Variants in HASPIN observed in about 807,000 individuals in gnomAD.
HASPIN encodes the protein serine/threonine-protein kinase haspin.
In HASPIN, 24 loss-of-function variants were observed where a neutral mutation model predicts 28.8. The ratio of observed to expected loss-of-function variants is 0.83; its 90% CI spans 0.60 to 1.17. The LOEUF is 1.17. Among genes scored for constraint, HASPIN ranks in the 50% most tolerant of loss-of-function variants. The pLI, the probability that HASPIN is intolerant of heterozygous loss-of-function variation, is 0.00. For synonymous variants in HASPIN, 440 were observed against 413.1 expected (o/e 1.07, Z -0.79); for missense variants, 1,016 against 1,018.5 (o/e 1.00, Z 0.03).
Position 3,724,064 on chromosome 17 carries a change from C to G in HASPIN, c.129C>G (p.Phe43Leu), listed in dbSNP as rs775319727. The change falls in exon 1 of 1, where the codon TTC becomes TTG. Residue 43 changes from phenylalanine (F) to leucine (L), a missense_variant. Physicochemically the swap from Phe to Leu is conservative, Grantham distance 22 (BLOSUM62 0). Transcript: ENST00000325418. Reference protein sequence around the residue: ...QWFPPQDRRRFFNSSGSSDAS... With the variant: ...QWFPPQDRRRLFNSSGSSDAS... ...TCCCGCCGCAGGACCGGAGGCGTTT[C>G]TTCAACAGCAGCGGCAGCAGCGACG... 3.8e-6 allele frequency: 6 copies of G among 1,597,296 alleles called. No homozygotes were observed. The African/African-American group carries it at 6.7e-5, about 18-fold the overall frequency.
chr17:3,724,555 T>C lies in HASPIN; in HGVS notation c.620T>C (p.Leu207Pro), dbSNP rs2051160178. Residue 207 changes from leucine (L) to proline (P), a missense_variant, in exon 1 of 1, where the codon CTC becomes CCC. By Grantham distance (98) the Leu-to-Pro change is moderately conservative (BLOSUM62 -3). Transcript: ENST00000325418. ...AASAVPSGLHLPEVSLDRASL... is the reference protein window; with the variant it reads ...AASAVPSGLHPPEVSLDRASL... ...TCAGCCGTCCCGAGCGGCCTCCACC[T>C]CCCAGAAGTCTCCCTGGACCGAGCA... The C allele has an allele frequency of 1.2e-6, 2 of 1,613,944 alleles. No homozygotes were observed. Among genetic ancestry groups the C allele is most frequent in the East Asian group, 4.5e-5 (2 of 44,866 alleles).
Position 3,723,972 on chromosome 17 carries a change from T to C in HASPIN, c.37T>C (p.Phe13Leu). The C allele has an allele frequency of 6.3e-7, 1 of 1,577,542 alleles. No individual in the cohort carries two copies. Among genetic ancestry groups the C allele is most frequent in the Non-Finnish European group, 8.6e-7 (1 of 1,161,894 alleles). The part of the protein sequence containing the change: ...ASLPGPGSRL[F>L]RTYGAADGRR... Reference sequence around the variant, plus strand: ...GCTCCCGGGACCTGGGAGCCGGCTTTTCCGCACATATGGGGCTGCGGACGG... The same window carrying C: ...GCTCCCGGGACCTGGGAGCCGGCTTCTCCGCACATATGGGGCTGCGGACGG... The change falls in exon 1 of 1, where the codon TTC becomes CTC. Residue 13 changes from phenylalanine (F) to leucine (L), a missense_variant. This residue lies in a region of HASPIN where 881 missense variants were observed against 845.5 expected (regional missense o/e 1.04). Coordinates refer to ENST00000325418, the MANE Select transcript of HASPIN (RefSeq NM_031965.2).
Position 3,725,828 on chromosome 17 carries a change from G to C in HASPIN, c.1893G>C (p.Gln631His). 6.2e-7 allele frequency: 1 copy of C among 1,612,170 alleles called. No homozygotes were observed. Among genetic ancestry groups the C allele is most frequent in the East Asian group, 2.2e-5 (1 of 44,874 alleles). Residue 631 changes from glutamine to histidine, a missense_variant, in exon 1 of 1, where the codon CAG (glutamine) becomes CAC (histidine). Gln to His is a conservative substitution (Grantham distance 24). Coordinates refer to ENST00000325418, the MANE Select transcript of HASPIN (RefSeq NM_031965.2). Reference protein sequence around the residue: ...SLATAKSILHQLTASLAVAEA... With the variant: ...SLATAKSILHHLTASLAVAEA... Reference sequence around the variant, plus strand: ...CTACTGCAAAGAGCATTCTACACCAGCTCACAGCCTCCCTCGCAGTGGCAG... The same window carrying C: ...CTACTGCAAAGAGCATTCTACACCACCTCACAGCCTCCCTCGCAGTGGCAG...
rs769002338 is a variant in HASPIN at position 3,725,284 on chromosome 17, T to C, written c.1349T>C (p.Leu450Pro). Residue 450 changes from leucine to proline, a missense_variant, in exon 1 of 1, where the codon CTA becomes CCA. Transcript: ENST00000325418. ...TATTTGCTAAGCCCCTTAAACACTCTAAGTATTTCAAACAAAAAGGCATCT... is the reference window on the plus strand; with the variant it reads ...TATTTGCTAAGCCCCTTAAACACTCCAAGTATTTCAAACAAAAAGGCATCT... Reference protein sequence around the residue: ...SMYLLSPLNTLSISNKKASDA... With the variant: ...SMYLLSPLNTPSISNKKASDA... 2 of 1,614,108 alleles carry C rather than the reference T, an allele frequency of 1.2e-6. No individual in the cohort carries two copies. The highest frequency in any genetic ancestry group is 1.1e-5 in the South Asian group (1 of 91,076).
Position 3,724,220 on chromosome 17 carries a change from C to T in HASPIN, c.285C>T (p.Thr95=). 2 of 1,593,484 alleles carry T rather than the reference C, an allele frequency of 1.3e-6. No individual in the cohort carries two copies. The highest frequency in any genetic ancestry group is 1.1e-5 in the South Asian group (1 of 90,314). The change falls in exon 1 of 1, where the codon ACC becomes ACT. Residue 95 remains threonine (T), a synonymous_variant. Coordinates refer to ENST00000325418, the MANE Select transcript of HASPIN (RefSeq NM_031965.2). Reference sequence around the variant, plus strand: ...TGCCCAAGGACCGGCCCAGCCTGACCGTGACCCCAAAGCGCTGGAAGCTGC... The same window carrying T: ...TGCCCAAGGACCGGCCCAGCCTGACTGTGACCCCAAAGCGCTGGAAGCTGC... ...GRVPKDRPSL[T]VTPKRWKLRA...
rs1275771768 is a variant in HASPIN at position 3,725,786 on chromosome 17, C to G, written c.1851C>G (p.Thr617=). 1 of 1,603,486 alleles carries G rather than the reference C, an allele frequency of 6.2e-7. No homozygotes were observed. The highest frequency in any genetic ancestry group is 8.5e-7 in the Non-Finnish European group (1 of 1,173,268). The change falls in exon 1 of 1, where the codon ACC becomes ACG. Residue 617 remains threonine (T), a synonymous_variant. Coordinates refer to ENST00000325418, the MANE Select transcript of HASPIN (RefSeq NM_031965.2). ...FGGIDLEQMR[T]KLSSLATAKS... ...GGATTGACTTAGAGCAAATGCGAAC[C>G]AAGTTGTCTTCCTTGGCTACTGCAA...
Position 3,726,612 on chromosome 17 carries a change from G to T in HASPIN, c.*280G>T. 1 of 398,838 alleles carries T rather than the reference G, an allele frequency of 2.5e-6. No individual in the cohort carries two copies. The highest frequency in any genetic ancestry group is 4.5e-6 in the Non-Finnish European group (1 of 223,390). The allele number at this position is 398,838 out of a possible 1,614,324, so 24.7% of individuals were successfully genotyped here. ...GGAGGCTGAGGCAGGAGGATCGCTT[G>T]AGCCCAAGAGTTCATATCTAGCCTG... is the stretch of plus-strand genomic sequence containing the variant. On this transcript the variant is annotated 3_prime_UTR_variant, in exon 1 of 1. Transcript: ENST00000325418.
rs143089901 is a variant in HASPIN, at chr17:3,725,252, C to G, written c.1317C>G (p.Ser439=). 56 of 1,614,208 alleles carry G rather than the reference C, an allele frequency of 3.5e-5. No individual in the cohort carries two copies. The African/African-American group carries it at 7.2e-4, about 21-fold the overall frequency. The change falls in exon 1 of 1, where the codon TCC becomes TCG. Residue 439 remains serine, a synonymous_variant. Transcript: ENST00000325418. ...TSGAPSSWHS[S]SMYLLSPLNT... ...GTGCTCCGTCCTCTTGGCACTCCTC[C>G]TCTATGTATTTGCTAAGCCCCTTAA...
At position 3,724,606 on chromosome 17, in the gene HASPIN, C is replaced by G; in HGVS notation, c.671C>G (p.Ala224Gly). ...TCTCTCCCCTGCTCCCAGGAGGAAG[C>G]GACAGGAGGAGCCAAGGACACCAGG... ...RASLPCSQEEATGGAKDTRMV... is the reference protein window; with the variant it reads ...RASLPCSQEEGTGGAKDTRMV... The change falls in exon 1 of 1, where the codon GCG (alanine) becomes GGG (glycine). Residue 224 changes from alanine (A) to glycine (G), a missense_variant. Transcript: ENST00000325418. 6.2e-7 allele frequency: 1 copy of G among 1,614,208 alleles called. No individual in the cohort carries two copies. Among genetic ancestry groups the G allele is most frequent in the Non-Finnish European group, 8.5e-7 (1 of 1,180,036 alleles).
rs760163372 is a variant in HASPIN at position 3,724,661 on chromosome 17, G to A, written c.726G>A (p.Arg242=). The change falls in exon 1 of 1, where the codon AGG becomes AGA. Residue 242 remains arginine, a synonymous_variant. Coordinates refer to ENST00000325418, the MANE Select transcript of HASPIN (RefSeq NM_031965.2). ...TCCACCAAACCCGCGCCAGCCTCAG[G>A]TCAGTTCTCTTTGGCCTTATGAACT... ...RMVHQTRASL[R]SVLFGLMNSG... is the part of the protein sequence containing the mutation. 32 of 1,614,092 alleles carry A rather than the reference G, an allele frequency of 2.0e-5. No homozygotes were observed. Among genetic ancestry groups the A allele is most frequent in the Non-Finnish European group, 2.2e-5 (26 of 1,180,048 alleles).
chr17:3,726,086 C>T lies in HASPIN; in HGVS notation c.2151C>T (p.Tyr717=). ...ACCTGTTTACCGGTGACGGTGACTA[C>T]CAGTTTGACATCTACAGGCTCATGA... The part of the protein sequence containing the change: ...DEDLFTGDGD[Y]QFDIYRLMKK... The change falls in exon 1 of 1, where the codon TAC becomes TAT. Residue 717 remains tyrosine, a synonymous_variant. Transcript: ENST00000325418. The T allele has an allele frequency of 1.2e-6, 2 of 1,614,154 alleles. No individual in the cohort carries two copies. The highest frequency in any genetic ancestry group is 1.1e-5 in the South Asian group (1 of 91,084).
In HASPIN at chr17:3,726,133, G is replaced by A; in HGVS notation, c.2198G>A (p.Trp733Ter). ...ATGAAGAAGGAGAATAACAACCGCT[G>A]GGGTGAATATCACCCTTATAGTAAT... ...RLMKKENNNR[W>*]GEYHPYSNVL... The change falls in exon 1 of 1, where the codon TGG becomes TAG. Residue 733 changes from tryptophan to a stop codon, truncating the protein, a stop_gained. Transcript: ENST00000325418. LOFTEE classifies it high-confidence loss of function. 1 of 1,614,132 alleles carries A rather than the reference G, an allele frequency of 6.2e-7. No individual in the cohort carries two copies. The highest frequency in any genetic ancestry group is 8.5e-7 in the Non-Finnish European group (1 of 1,179,994).
In HASPIN at chr17:3,724,200, A is replaced by C; in HGVS notation, c.265A>C (p.Lys89Gln). 6.3e-7 allele frequency: 1 copy of C among 1,593,132 alleles called. No homozygotes were observed. Among genetic ancestry groups the C allele is most frequent in the Non-Finnish European group, 8.5e-7 (1 of 1,177,188 alleles). Residue 89 changes from lysine to glutamine, a missense_variant, in exon 1 of 1, where the codon AAG becomes CAG. By Grantham distance (53) the Lys-to-Gln change is moderately conservative. Coordinates refer to ENST00000325418, the MANE Select transcript of HASPIN (RefSeq NM_031965.2). ...RRRRPGGRVP[K>Q]DRPSLTVTPK... ...GAGGCGTCCCGGCGGCCGAGTGCCCAAGGACCGGCCCAGCCTGACCGTGAC... is the reference window on the plus strand; with the variant it reads ...GAGGCGTCCCGGCGGCCGAGTGCCCCAGGACCGGCCCAGCCTGACCGTGAC...
At position 3,724,168 on chromosome 17, in the gene HASPIN, G is replaced by A. The variant is rs1199495393; in HGVS notation, c.233G>A (p.Arg78Gln). The A allele has an allele frequency of 3.1e-6, 5 of 1,592,824 alleles. No individual in the cohort carries two copies. Among genetic ancestry groups the A allele is most frequent in the Non-Finnish European group, 4.2e-6 (5 of 1,176,634 alleles). Residue 78 changes from arginine to glutamine, a missense_variant, in exon 1 of 1, where the codon CGG (arginine) becomes CAG (glutamine). Physicochemically the swap from Arg to Gln is conservative, Grantham distance 43 (BLOSUM62 1). Around this residue, in one of 3 missense-constraint regions of HASPIN, gnomAD observed 881 missense variants for 845.5 expected, o/e 1.04. Coordinates refer to ENST00000325418, the MANE Select transcript of HASPIN (RefSeq NM_031965.2). Reference sequence around the variant, plus strand: ...GACTTCCCCGGCAGCCCGGTGAGGCGGCGGCGGAGGCGTCCCGGCGGCCGA... The same window carrying A: ...GACTTCCCCGGCAGCCCGGTGAGGCAGCGGCGGAGGCGTCCCGGCGGCCGA... ...DPDFPGSPVR[R>Q]RRRRPGGRVP... is the part of the protein sequence containing the mutation.
rs2051145361 is a variant in HASPIN at position 3,724,170 on chromosome 17, C to G, written c.235C>G (p.Arg79Gly). 16 of 1,592,882 alleles carry G rather than the reference C, an allele frequency of 1.0e-5. No homozygotes were observed. Among genetic ancestry groups the G allele is most frequent in the Non-Finnish European group, 1.3e-5 (15 of 1,176,642 alleles). ...CTTCCCCGGCAGCCCGGTGAGGCGG[C>G]GGCGGAGGCGTCCCGGCGGCCGAGT... ...PDFPGSPVRR[R>G]RRRPGGRVPK... Residue 79 changes from arginine to glycine, a missense_variant, in exon 1 of 1, where the codon CGG (arginine) becomes GGG (glycine). Physicochemically the swap from Arg to Gly is moderately radical, Grantham distance 125. This residue lies in a region of HASPIN where 881 missense variants were observed against 845.5 expected (regional missense o/e 1.04). Transcript: ENST00000325418.
In HASPIN at chr17:3,725,928, C is replaced by T. The variant is rs761543105; in HGVS notation, c.1993C>T (p.Leu665Phe). Residue 665 changes from leucine to phenylalanine, a missense_variant, in exon 1 of 1, where the codon CTC becomes TTC. Coordinates refer to ENST00000325418, the MANE Select transcript of HASPIN (RefSeq NM_031965.2). ...VLLKKTSLKK[L>F]HYTLNGKSST... ...CTTAAAGAAAACCAGCCTCAAAAAA[C>T]TCCACTACACCCTCAATGGGAAGAG... The T allele has an allele frequency of 1.9e-6, 3 of 1,613,676 alleles. No individual in the cohort carries two copies. The South Asian group carries it at 3.3e-5, about 18-fold the overall frequency.
rs1163058948 is a variant in HASPIN, at chr17:3,726,153, AGTAAT to A, written c.2221_2225del (p.Asn741AlafsTer19). On this transcript the variant is annotated frameshift_variant, in exon 1 of 1. Coordinates refer to ENST00000325418, the MANE Select transcript of HASPIN (RefSeq NM_031965.2). LOFTEE classifies it high-confidence loss of function. The stretch of plus-strand genomic sequence containing the variant: ...CCGCTGGGGTGAATATCACCCTTAT[AGTAAT>A]GTGCTCTGGTTACATTACCTGACAG... 2 of 1,614,212 alleles carry A rather than the reference AGTAAT, an allele frequency of 1.2e-6. No homozygotes were observed. Among genetic ancestry groups the A allele is most frequent in the African/African-American group, 1.3e-5 (1 of 75,050 alleles).
Position 3,725,871 on chromosome 17 carries a change from G to C in HASPIN, c.1936G>C (p.Glu646Gln). The C allele has an allele frequency of 6.2e-7, 1 of 1,610,270 alleles. No homozygotes were observed. The highest frequency in any genetic ancestry group is 8.5e-7 in the Non-Finnish European group (1 of 1,179,498). The change falls in exon 1 of 1, where the codon GAG becomes CAG. Residue 646 changes from glutamate (E) to glutamine (Q), a missense_variant. Glu to Gln is a conservative substitution (Grantham distance 29, BLOSUM62 2). This residue lies in a region of HASPIN where 881 missense variants were observed against 845.5 expected (regional missense o/e 1.04). Coordinates refer to ENST00000325418, the MANE Select transcript of HASPIN (RefSeq NM_031965.2). ...AGTGGCAGAGGCATCACTGCGCTTT[G>C]AGCACCGAGACTTACACTGGGGGAA... ...LAVAEASLRF[E>Q]HRDLHWGNVL...
In HASPIN at chr17:3,723,907, G is replaced by A; in HGVS notation, c.-29G>A. ...GTCGCACGGAAGTCTCGCGATGTTTGCGTTTGAACCTCTTGGCGGGTGCCG... is the reference window on the plus strand; with the variant it reads ...GTCGCACGGAAGTCTCGCGATGTTTACGTTTGAACCTCTTGGCGGGTGCCG... On this transcript the variant is annotated 5_prime_UTR_variant, in exon 1 of 1. Transcript: ENST00000325418. The A allele has an allele frequency of 6.5e-7, 1 of 1,535,150 alleles. No homozygotes were observed. The highest frequency in any genetic ancestry group is 8.7e-7 in the Non-Finnish European group (1 of 1,143,338).
Sources: gnomAD v4.1 joint callset for allele counts on GRCh38, gnomAD v4.1.1 for gene constraint, gnomAD v4.1.1 regional missense constraint, MANE v1.5 for transcripts, NCBI Gene and HGNC (gene_info 2026-07-23, HGNC 2026-07-21) for gene names.